Variants in ABR observed in about 807,000 individuals in gnomAD.
ABR encodes ABR activator of RhoGEF and GTPase.
Under a neutral mutation model 107.2 loss-of-function variants are expected in ABR, and 35 were observed. That is an observed-to-expected ratio of 0.33 (90% CI 0.25 to 0.43). The LOEUF (loss-of-function observed/expected upper bound fraction) is 0.43, where lower values mean the gene tolerates loss of function less well. ABR is among the 20% of genes least tolerant of loss of function. The pLI is 1.00. For synonymous variants in ABR, 498 were observed against 462.0 expected (o/e 1.08, Z -1.00); for missense variants, 815 against 1,115.2 (o/e 0.73, Z 3.83).
intron 16 of ABR, among the ~76,000 whole-genome samples, chr17:1,013,619 G>A (rs2150749746): frequency 6.6e-6 from 1 of 152,366 alleles, no homozygotes; most frequent in Non-Finnish European, 1.5e-5. Flanking sequence ...TCCACGTGGA[G>A]GTGTTGAAGA....
At chr17:1,029,193 A>G (rs940708009) in intron 16 of ABR, among the ~76,000 whole-genome samples, 7 of 151,936 alleles carry the variant, frequency 4.6e-5, no homozygotes, top group Non-Finnish European at 1.0e-4. Flanking sequence ...ACAAACCCAG[A>G]TGCCACGTGT....
chr17:1,062,647 T>C (rs1451900401), intron 10 of ABR, among the ~76,000 whole-genome samples: 4 of 144,768 alleles, frequency 2.8e-5, no homozygotes, highest in Non-Finnish European at 6.3e-5. Flanking sequence ...GCTATGCATG[T>C]TCCTCTAGAC....
intron 2 of ABR, among the ~76,000 whole-genome samples, chr17:1,116,703 G>A (rs34579063): frequency 0.12 from 17,484 of 151,320 alleles, 1,111 homozygotes; most frequent in East Asian, 0.26. Flanking sequence ...AAGCCCAGGA[G>A]CCACCCTGAG....
At chr17:1,104,274 G>A (rs2038099517) in intron 2 of ABR, among the ~76,000 whole-genome samples, 1 of 152,190 alleles carries the variant, frequency 6.6e-6, no homozygotes, top group African/African-American at 2.4e-5. Context: ...CCAAACCAAA[G>A]ACGTCAGGTC....
At chr17:1,061,880 G>C (rs949165096) in intron 10 of ABR, among the ~76,000 whole-genome samples, 13 of 152,164 alleles carry the variant, frequency 8.5e-5, no homozygotes, top group African/African-American at 2.9e-4. Context: ...CGAATATGAG[G>C]AACATGGAAC....
intron 1 of ABR, among the ~76,000 whole-genome samples, chr17:1,175,947 C>T (rs909206221): frequency 4.6e-5 from 7 of 152,104 alleles, no homozygotes; most frequent in Non-Finnish European, 8.8e-5. Flanking sequence ...AAAAATTAGC[C>T]GGGCGTGGTG....
chr17:1,027,090 T>C lies in ABR; in HGVS notation c.1792-13926A>G, dbSNP rs1036969162. On this transcript the variant is annotated intron_variant, in intron 16 of 22. Transcript: ENST00000302538. This position sits in a 1 kb window ranked among gnomAD's most constrained non-coding sequence, Gnocchi z 4.7. ...CAGCCACACCTGCAGGCTTGGGGGC[T>C]CCTTCCAAAATGTCTGGGGCCTCAT... is the stretch of plus-strand genomic sequence containing the variant. Among the ~76,000 whole-genome samples, 5 of 151,902 alleles carry C rather than the reference T, an allele frequency of 3.3e-5. No individual in the cohort carries two copies. Among genetic ancestry groups the C allele is most frequent in the African/African-American group, 1.2e-4 (5 of 41,342 alleles).
rs757499438 is a variant in ABR, at chr17:1,027,841, A to G, written c.1792-14677T>C. Among the ~76,000 whole-genome samples, 1 of 152,044 alleles carries G rather than the reference A, an allele frequency of 6.6e-6. No homozygotes were observed. Among genetic ancestry groups the G allele is most frequent in the Non-Finnish European group, 1.5e-5 (1 of 68,010 alleles). ...GGCAGCCGGGCCAGGCCAGACTTCT[A>G]TTGCAGAAGGCTGCGAGATCTTTCC... is the stretch of plus-strand genomic sequence containing the variant. On this transcript the variant is annotated intron_variant, in intron 16 of 22. Coordinates refer to ENST00000302538, the MANE Select transcript of ABR (RefSeq NM_021962.5). The surrounding 1 kb of genome is among the most constrained non-coding windows in gnomAD (Gnocchi z 4.7).
At chr17:1,173,424 T>C (rs2041819181) in intron 1 of ABR, among the ~76,000 whole-genome samples, 1 of 137,270 alleles carries the variant, frequency 7.3e-6, no homozygotes, top group Admixed American at 7.8e-5. Context: ...GCAGGGGCAG[T>C]GGGCGCAGGG....
chr17:1,147,628 C>T (rs905052644), intron 1 of ABR, among the ~76,000 whole-genome samples: 2 of 152,004 alleles, frequency 1.3e-5, no homozygotes, highest in East Asian at 1.9e-4. Flanking sequence ...CCCAAAGTGC[C>T]GGGATTAGTG....
chr17:1,191,806 T>C (rs2042443191), upstream of ABR, among the ~76,000 whole-genome samples: 1 of 152,114 alleles, frequency 6.6e-6, no homozygotes, highest in African/African-American at 2.4e-5. Context: ...CCGTCAGGAC[T>C]CTGCATGTAT....
intron 16 of ABR, among the ~76,000 whole-genome samples, chr17:1,034,264 A>G (rs769921154): frequency 6.6e-6 from 1 of 151,754 alleles, no homozygotes; most frequent in African/African-American, 2.4e-5. Flanking sequence ...CACTCATGTC[A>G]CTCTAGAGGT....
At chr17:1,125,456 G>C (rs560330854) in intron 1 of ABR, 89 bp from the exon 2 acceptor site, 1 of 1,484,706 alleles carries the variant, frequency 6.7e-7, no homozygotes, top group East Asian at 2.3e-5. Flanking sequence ...GGCGGCCCCC[G>C]GCAGCCATGG....
chr17:1,116,092 G>T (rs181552926), intron 2 of ABR, among the ~76,000 whole-genome samples: 1 of 149,420 alleles, frequency 6.7e-6, no homozygotes, highest in East Asian at 2.0e-4. Context: ...CGGATGTGGT[G>T]GCCTGTAATC....
At chr17:1,046,476 G>A (rs901212031) in intron 16 of ABR, among the ~76,000 whole-genome samples, 1 of 152,180 alleles carries the variant, frequency 6.6e-6, no homozygotes, top group Non-Finnish European at 1.5e-5. Context: ...TTGCCATGTT[G>A]GCCAGGCTGG....
intron 1 of ABR, among the ~76,000 whole-genome samples, chr17:1,141,852 C>G (rs757580829): frequency 6.6e-6 from 1 of 151,870 alleles, no homozygotes; most frequent in African/African-American, 2.4e-5. Context: ...TCCACCTCCC[C>G]GGTTCAAGCA....
At chr17:1,173,352 T>TCAACACATCACCTCAGTCCACC (rs2041814968) in intron 1 of ABR, among the ~76,000 whole-genome samples, 1 of 42,186 alleles carries the variant, frequency 2.4e-5, no homozygotes, top group Non-Finnish European at 4.2e-5. Flanking sequence ...CTCAGTCCAC[T>TCAACACATCACCTCAGTCCACC]CAACACATCA....
Position 1,092,155 on chromosome 17 carries a change from C to G in ABR, c.346-305G>C, listed in dbSNP as rs986036050. 1.3e-5 allele frequency among the ~76,000 whole-genome samples: 2 copies of G among 152,168 alleles called. No homozygotes were observed. The highest frequency in any genetic ancestry group is 2.9e-5 in the Non-Finnish European group (2 of 68,024). On this transcript the variant is annotated intron_variant, in intron 3 of 22. Coordinates refer to ENST00000302538, the MANE Select transcript of ABR (RefSeq NM_021962.5). The surrounding 1 kb of genome is among the most constrained non-coding windows in gnomAD (Gnocchi z 4.6). ...GCCTGTACTGGGTTAACAGGATCCG[C>G]GTCTTTCTTCCACGATAGCCTGTGC...
intron 1 of ABR, among the ~76,000 whole-genome samples, chr17:1,205,540 G>A (rs2042772622): frequency 6.6e-6 from 1 of 152,236 alleles, no homozygotes; most frequent in Non-Finnish European, 1.5e-5. Flanking sequence ...GCTGGGTGCA[G>A]TGGCTCACGT....
Sources: gnomAD v4.1 joint callset for allele counts (sites outside exome capture counted in the v4.1 genomes callset) on GRCh38, gnomAD v4.1.1 for gene constraint, Gnocchi (gnomAD v3.1) non-coding constraint, MANE v1.5 for transcripts, NCBI Gene and HGNC (gene_info 2026-07-23, HGNC 2026-07-21) for gene names.